Variants in QSOX2 observed in about 807,000 individuals in gnomAD.
The protein encoded by QSOX2 is sulfhydryl oxidase 2.
Under a neutral mutation model 61.7 loss-of-function variants are expected in QSOX2, and 46 were observed. The observed-to-expected ratio is 0.75, with a 90% CI of 0.59 to 0.95. QSOX2 has a LOEUF of 0.95. Ranked by LOEUF, QSOX2 falls within the 40% of genes least tolerant of loss-of-function variation. The probability of loss-of-function intolerance (pLI) is 0.00; values close to 1 mark genes in which losing one functional copy is unlikely to be tolerated. For synonymous variants in QSOX2, 383 were observed against 388.4 expected, an observed-to-expected ratio of 0.99 and a Z score of 0.16; for missense variants, 879 against 918.9, an observed-to-expected ratio of 0.96 and a Z score of 0.56.
rs774539125 is a variant in QSOX2 at position 136,216,736 on chromosome 9, G to T, written c.1087-14C>A. On this transcript the variant is annotated splice_polypyrimidine_tract_variant and intron_variant, in intron 8 of 11. Transcript: ENST00000358701. Reference sequence around the variant, plus strand: ...TCCAGGGAACAGCTGCATGAGGAAGGAGCCACCTGAGAGCTACAGACCCAA... The same window carrying T: ...TCCAGGGAACAGCTGCATGAGGAAGTAGCCACCTGAGAGCTACAGACCCAA... The T allele has an allele frequency of 5.0e-6, 8 of 1,612,476 alleles. No homozygotes were observed. The South Asian group carries it at 6.6e-5, about 13-fold the overall frequency.
intron 10 of QSOX2, 57 bp from the exon 11 acceptor site, chr9:136,211,509 AC>A: frequency 6.4e-7 from 1 of 1,567,116 alleles, no homozygotes; most frequent in South Asian, 1.1e-5. Flanking sequence ...ACCTGACCCC[AC>A]GCTTGTCCAG....
chr9:136,245,676 G>A lies in QSOX2; in HGVS notation c.128C>T (p.Ala43Val), dbSNP rs1554758459. The A allele has an allele frequency of 8.3e-7, 1 of 1,202,436 alleles. No homozygotes were observed. Among genetic ancestry groups the A allele is most frequent in the East Asian group, 3.7e-5 (1 of 27,272 alleles). 74.5% of individuals were successfully genotyped at this position (1,202,436 alleles called of 1,614,324 possible). ...ACCGCCCGCGCCCGGCCCCACCGCCGCCGCCGCTAGCAGCACTAGCAGCCG... is the reference window on the plus strand; with the variant it reads ...ACCGCCCGCGCCCGGCCCCACCGCCACCGCCGCTAGCAGCACTAGCAGCCG... The part of the protein sequence containing the change: ...LPRLLVLLAA[A>V]AVGPGAGGAA... The change falls in exon 1 of 12, where the codon GCG (alanine) becomes GTG (valine). Residue 43 changes from alanine to valine, a missense_variant. Coordinates refer to ENST00000358701, the MANE Select transcript of QSOX2 (RefSeq NM_181701.4).
intron 1 of QSOX2, among the ~76,000 whole-genome samples, chr9:136,243,006 G>A (rs190963136): frequency 1.0e-3 from 157 of 152,344 alleles, no homozygotes; most frequent in African/African-American, 3.4e-3. Flanking sequence ...GGTCAGACAC[G>A]CCTGGTTACA....
chr9:136,244,859 T>C (rs1428625697), intron 1 of QSOX2, among the ~76,000 whole-genome samples: 4 of 152,182 alleles, frequency 2.6e-5, no homozygotes, highest in African/African-American at 9.7e-5. Context: ...AATTGCTTTA[T>C]AGGTTGTTTT....
chr9:136,234,247 C>A (rs62579033), intron 1 of QSOX2, among the ~76,000 whole-genome samples: 2 of 152,186 alleles, frequency 1.3e-5, no homozygotes, highest in Non-Finnish European at 2.9e-5. Context: ...GTGTAACACA[C>A]AAAGTTTGTG....
chr9:136,240,911 G>A (rs1011871079), intron 1 of QSOX2, among the ~76,000 whole-genome samples: 7 of 152,218 alleles, frequency 4.6e-5, no homozygotes, highest in South Asian at 2.1e-4. Flanking sequence ...CCCTCAGCCC[G>A]TCCTCTGTCA....
rs1371066711 is a variant in QSOX2 at position 136,223,779 on chromosome 9, G to A, written c.659C>T (p.Ser220Phe). ...AGGCCGTACCTCCCGTCCAAGGTAGGAGCTGTTGCTTTCAAAGACAATAGC... is the reference window on the plus strand; with the variant it reads ...AGGCCGTACCTCCCGTCCAAGGTAGAAGCTGTTGCTTTCAAAGACAATAGC... ...YVAIVFESNS[S>F]YLGREVILDL... Residue 220 changes from serine to phenylalanine, a missense_variant, in exon 5 of 12, where the codon TCC becomes TTC. Coordinates refer to ENST00000358701, the MANE Select transcript of QSOX2 (RefSeq NM_181701.4). The surrounding 1 kb of genome is among the most constrained non-coding windows in gnomAD (Gnocchi z 4.4). 1.2e-6 allele frequency: 2 copies of A among 1,614,018 alleles called. No individual in the cohort carries two copies. The highest frequency in any genetic ancestry group is 1.1e-5 in the South Asian group (1 of 91,074).
At position 136,241,907 on chromosome 9, in the gene QSOX2, A is replaced by G. The variant is rs552003487; in HGVS notation, c.328+3569T>C. Among the ~76,000 whole-genome samples, 34 of 152,376 alleles carry G rather than the reference A, an allele frequency of 2.2e-4. No homozygotes were observed. In the East Asian group the frequency reaches 5.6e-3, roughly 25 times the overall value. On this transcript the variant is annotated intron_variant, in intron 1 of 11. Transcript: ENST00000358701. Reference sequence around the variant, plus strand: ...AGGGCCACAGAGGGCGCACGGGGACACAGGCCCTGCCTTTAGGGTGCACCC... The same window carrying G: ...AGGGCCACAGAGGGCGCACGGGGACGCAGGCCCTGCCTTTAGGGTGCACCC...
rs140076193 is a variant in QSOX2, at chr9:136,234,297, G to A, written c.329-7423C>T. 4.5e-4 allele frequency among the ~76,000 whole-genome samples: 69 copies of A among 152,344 alleles called. 1 individual carries two copies. The East Asian group carries it at 0.01, about 23-fold the overall frequency. ...GTCACTGGTAAGGCTTCCAGTCAAC[G>A]GTGGGCTATGAGCTCAGTTTTTGGG... is the stretch of plus-strand genomic sequence containing the variant. On this transcript the variant is annotated intron_variant, in intron 1 of 11. Coordinates refer to ENST00000358701, the MANE Select transcript of QSOX2 (RefSeq NM_181701.4).
chr9:136,210,963 G>A (rs1402822419), intron 11 of QSOX2: 1 of 930,188 alleles, frequency 1.1e-6, no homozygotes, highest in Non-Finnish European at 1.3e-6. Context: ...AACATCTTCA[G>A]AGTCTAACGG....
chr9:136,224,289 A>G (rs951383306), intron 3 of QSOX2, among the ~76,000 whole-genome samples, 177 bp from the exon 4 acceptor site: 3 of 152,178 alleles, frequency 2.0e-5, no homozygotes, highest in Non-Finnish European at 4.4e-5. Flanking sequence ...CGTGGTACAG[A>G]CAGCGCTGGA....
At chr9:136,243,053 G>A (rs1389064845) in intron 1 of QSOX2, among the ~76,000 whole-genome samples, 4 of 152,202 alleles carry the variant, frequency 2.6e-5, no homozygotes, top group African/African-American at 7.2e-5. Flanking sequence ...GCTGACCAGC[G>A]TGATGAAACA....
chr9:136,241,785 T>G (rs1207689533), intron 1 of QSOX2, among the ~76,000 whole-genome samples: 2 of 152,226 alleles, frequency 1.3e-5, no homozygotes, highest in Admixed American at 1.3e-4. Flanking sequence ...CCCGCCCTCC[T>G]GAGGGCAGGT....
intron 8 of QSOX2, 33 bp from the exon 9 acceptor site, chr9:136,216,755 G>A: frequency 6.2e-7 from 1 of 1,610,820 alleles, no homozygotes; most frequent in Non-Finnish European, 8.5e-7. Context: ...GAGAGCTACA[G>A]ACCCAAACCC....
intron 10 of QSOX2, 121 bp from the exon 11 acceptor site, chr9:136,211,573 C>T: frequency 1.1e-6 from 1 of 925,016 alleles, no homozygotes; most frequent in Non-Finnish European, 1.6e-6. Flanking sequence ...CTCATGTCTC[C>T]CCAGGGGCCT....
At position 136,210,565 on chromosome 9, in the gene QSOX2, C is replaced by T. The variant is rs190985714; in HGVS notation, c.1549+699G>A. 1.3e-4 allele frequency: 132 copies of T among 985,450 alleles called. No homozygotes were observed. In the East Asian group the frequency reaches 2.0e-3, roughly 15 times the overall value. 61.0% of individuals were successfully genotyped at this position (985,450 alleles called of 1,614,324 possible). On this transcript the variant is annotated intron_variant, in intron 11 of 11. Transcript: ENST00000358701. ...CTGCGCTGACCGAGGGAACAAACCC[C>T]GCAGACACACAGCGCCTTCGTCACA...
intron 1 of QSOX2, among the ~76,000 whole-genome samples, chr9:136,243,058 G>A (rs528900889): frequency 6.6e-6 from 1 of 152,284 alleles, no homozygotes; most frequent in East Asian, 1.9e-4. Flanking sequence ...CCAGCGTGAT[G>A]AAACAGAGAT....
intron 9 of QSOX2, 71 bp from the exon 10 acceptor site, chr9:136,215,375 C>A: frequency 6.9e-7 from 1 of 1,438,958 alleles, no homozygotes; most frequent in Non-Finnish European, 9.3e-7. Context: ...CAGTCGACAG[C>A]TGCCTTCTTG....
chr9:136,226,392 ATG>A (rs1018153611), intron 2 of QSOX2, among the ~76,000 whole-genome samples: 1 of 152,180 alleles, frequency 6.6e-6, no homozygotes. Context: ...ATGAGTGTGC[ATG>A]TGTGAGAGCC....
Sources: allele counts gnomAD v4.1 joint callset (sites outside exome capture counted in the v4.1 genomes callset), GRCh38; gene constraint gnomAD v4.1.1; non-coding constraint Gnocchi (gnomAD v3.1); transcripts MANE v1.5; gene names NCBI Gene and HGNC (gene_info 2026-07-23, HGNC 2026-07-21).